CEP131: variants seen among roughly 807,000 people sequenced by gnomAD.
CEP131 encodes centrosomal protein 131.
Under a neutral mutation model 136.8 loss-of-function variants are expected in CEP131, and 99 were observed. That is an observed-to-expected ratio of 0.72 (90% CI 0.62 to 0.86). CEP131 has a LOEUF of 0.86. Ranked by LOEUF, CEP131 falls within the 40% of genes least tolerant of loss-of-function variation. CEP131 has a pLI of 0.00. For missense variants in CEP131, 1,459 were observed against 1,463.0 expected (o/e 1.00, Z 0.04); for synonymous variants, 646 against 612.7 (o/e 1.05, Z -0.80).
chr17:81,199,514 CT>C lies in CEP131; in HGVS notation c.1058del (p.Lys353ArgfsTer91). Reference protein sequence around the residue: ...LQQKRALRAQKASTAERGPPE... With the variant: ...LQQKRALRAQXASTAERGPPE... ...GTGGCCCACGCTCGGCAGTGCTCGC[CT>C]TCTGGGCTCTCAGGGCTCGTTTCTG... On this transcript the variant is annotated frameshift_variant, in exon 10 of 26. Transcript: ENST00000450824. LOFTEE classifies it high-confidence loss of function. 1 of 1,608,426 alleles carries C rather than the reference CT, an allele frequency of 6.2e-7. No homozygotes were observed. The highest frequency in any genetic ancestry group is 2.2e-5 in the East Asian group (1 of 44,768).
Position 81,195,954 on chromosome 17 carries a change from G to A in CEP131, c.1900-3C>T. 6.2e-7 allele frequency: 1 copy of A among 1,607,202 alleles called. No individual in the cohort carries two copies. Among genetic ancestry groups the A allele is most frequent in the South Asian group, 1.1e-5 (1 of 91,022 alleles). Reference sequence around the variant, plus strand: ...AGGACCTTCTTGTCCTCAATCAGCTGTGTTGGGGACCGGAGGTGAGGTGCT... The same window carrying A: ...AGGACCTTCTTGTCCTCAATCAGCTATGTTGGGGACCGGAGGTGAGGTGCT... On this transcript the variant is annotated splice_polypyrimidine_tract_variant and splice_region_variant and intron_variant, in intron 15 of 25. Coordinates refer to ENST00000450824, the MANE Select transcript of CEP131 (RefSeq NM_014984.4).
At chr17:81,196,908 T>G in intron 14 of CEP131, 22 bp downstream of exon 14, 1 of 1,608,428 alleles carries the variant, frequency 6.2e-7, no homozygotes, top group Non-Finnish European at 8.5e-7. Flanking sequence ...GGGCCCGGGA[T>G]TAGCAGTGCC....
rs568626587 is a variant in CEP131 at position 81,211,542 on chromosome 17, G to A, written c.178-2520C>T. Reference sequence around the variant, plus strand: ...GCAGGCAGAAGCCACCCATGCGGCAGGGACTGCAAGCCCTCCACCCCTGGG... The same window carrying A: ...GCAGGCAGAAGCCACCCATGCGGCAAGGACTGCAAGCCCTCCACCCCTGGG... On this transcript the variant is annotated intron_variant, in intron 2 of 25. Transcript: ENST00000450824. Among the ~76,000 whole-genome samples the A allele has an allele frequency of 2.6e-5, 4 of 152,332 alleles. No individual in the cohort carries two copies. The South Asian group carries it at 6.2e-4, about 24-fold the overall frequency.
At chr17:81,196,095 T>C in intron 15 of CEP131, 144 bp from the exon 16 acceptor site, 1 of 617,288 alleles carries the variant, frequency 1.6e-6, no homozygotes, top group Non-Finnish European at 2.8e-6. Flanking sequence ...GGATGGACCC[T>C]GGGGCCAGTG....
At position 81,193,877 on chromosome 17, in the gene CEP131, C is replaced by T. The variant is rs1228287774; in HGVS notation, c.2321+49G>A. The T allele has an allele frequency of 5.3e-6, 8 of 1,518,024 alleles. No homozygotes were observed. The African/African-American group carries it at 8.4e-5, about 16-fold the overall frequency. The allele number at this position is 1,518,024 out of a possible 1,614,324, so 94.0% of individuals were successfully genotyped here. On this transcript the variant is annotated intron_variant, in intron 18 of 25. Coordinates refer to ENST00000450824, the MANE Select transcript of CEP131 (RefSeq NM_014984.4). ...CCACTCCAGCCTTCGAGGATTCCGA[C>T]TCCCCGCCCTGAGGGTCCTGGCCCC...
chr17:81,216,206 A>G (rs1041503325), intron 2 of CEP131, among the ~76,000 whole-genome samples: 9 of 152,124 alleles, frequency 5.9e-5, no homozygotes, highest in Non-Finnish European at 8.8e-5. Flanking sequence ...CTAAAAATAC[A>G]AAATTAGCCG....
chr17:81,201,828 G>A (rs1481767395), intron 7 of CEP131, among the ~76,000 whole-genome samples: 1 of 152,194 alleles, frequency 6.6e-6, no homozygotes, highest in Non-Finnish European at 1.5e-5. Flanking sequence ...CAGGCCGGGG[G>A]TGGTGGCTCA....
chr17:81,206,666 A>C, intron 5 of CEP131, 78 bp downstream of exon 5: 1 of 1,510,168 alleles, frequency 6.6e-7, no homozygotes, highest in Non-Finnish European at 8.9e-7. Context: ...CGAGCCATAA[A>C]CAAGACAAAG....
In CEP131 at chr17:81,202,271, G is replaced by T; in HGVS notation, c.757C>A (p.Arg253=). 6.9e-7 allele frequency: 1 copy of T among 1,441,334 alleles called. No individual in the cohort carries two copies. 89.3% of individuals were successfully genotyped at this position (1,441,334 alleles called of 1,614,324 possible). A position where few individuals can be genotyped will look rare whatever the true frequency, so the allele number is the denominator to read the frequency against. The stretch of plus-strand genomic sequence containing the variant: ...GCCTCCTCCTCCGTCACCTCCTTCC[G>T]CCTGGGCAAGCCCGTGCTGCCCCCA... ...NTGGSTGLPR[R]KEVTEEEAER... The change falls in exon 7 of 26, where the codon CGG becomes AGG. Residue 253 remains arginine, a synonymous_variant. Transcript: ENST00000450824.
At chr17:81,194,525 C>T (rs1047960893) in intron 17 of CEP131, among the ~76,000 whole-genome samples, 13 of 152,264 alleles carry the variant, frequency 8.5e-5, no homozygotes, top group Admixed American at 8.5e-4. Context: ...CCTCCTGTGG[C>T]TCACTCTGCT....
rs759954691 is a variant in CEP131 at position 81,199,591 on chromosome 17, C to T, written c.1024-42G>A. On this transcript the variant is annotated intron_variant, in intron 9 of 25. Transcript: ENST00000450824. ...GCTGAGCACTGTCCCTGGGAGAGGACGACCCCAGGCTCCACAGCCAAGCTG... is the reference window on the plus strand; with the variant it reads ...GCTGAGCACTGTCCCTGGGAGAGGATGACCCCAGGCTCCACAGCCAAGCTG... 49 of 1,589,334 alleles carry T rather than the reference C, an allele frequency of 3.1e-5. No individual in the cohort carries two copies. In the South Asian group the frequency reaches 4.1e-4, roughly 13 times the overall value.
At position 81,208,897 on chromosome 17, in the gene CEP131, G is replaced by A; in HGVS notation, c.272+31C>T. 1 of 1,573,962 alleles carries A rather than the reference G, an allele frequency of 6.4e-7. No homozygotes were observed. The highest frequency in any genetic ancestry group is 8.7e-7 in the Non-Finnish European group (1 of 1,145,676). ...GGGGCACCTGAGGTCCCGGGAAGGG[G>A]CCAGGGTTATCCAAGGGCCTTAGGG... On this transcript the variant is annotated intron_variant, in intron 3 of 25. Coordinates refer to ENST00000450824, the MANE Select transcript of CEP131 (RefSeq NM_014984.4). This position sits in a 1 kb window ranked among gnomAD's most constrained non-coding sequence, Gnocchi z 5.6.
chr17:81,192,506 C>T lies in CEP131; in HGVS notation c.2517G>A (p.Lys839=). ...GCCGGCGCTCCTGCTCCTCCCTGCC[C>T]TTCTCAAACTCAGCCCTCAGGGCTC... ...LTRALRAEFE[K]GREEQERRHQ... Residue 839 remains lysine, a synonymous_variant, in exon 20 of 26, where the codon AAG becomes AAA. Transcript: ENST00000450824. 6.2e-7 allele frequency: 1 copy of T among 1,611,692 alleles called. No individual in the cohort carries two copies. Among genetic ancestry groups the T allele is most frequent in the Non-Finnish European group, 8.5e-7 (1 of 1,179,782 alleles).
intron 3 of CEP131, among the ~76,000 whole-genome samples, chr17:81,207,510 T>C (rs1408341896): frequency 7.3e-6 from 1 of 136,246 alleles, no homozygotes; most frequent in Non-Finnish European, 1.5e-5. Context: ...TTTTCTTTTC[T>C]TTTTTTTTTT....
chr17:81,205,207 C>T (rs542833975), intron 5 of CEP131, among the ~76,000 whole-genome samples: 5 of 151,012 alleles, frequency 3.3e-5, no homozygotes, highest in African/African-American at 9.8e-5. Context: ...TGCGGTGAGC[C>T]GAGATCACAC....
rs1485503680 is a variant in CEP131, at chr17:81,200,446, C to A, written c.789G>T (p.Arg263Ser). 6.5e-7 allele frequency: 1 copy of A among 1,548,180 alleles called. No homozygotes were observed. Among genetic ancestry groups the A allele is most frequent in the Non-Finnish European group, 8.7e-7 (1 of 1,145,802 alleles). The change falls in exon 8 of 26, where the codon AGG (arginine) becomes AGT (serine). Residue 263 changes from arginine to serine, a missense_variant and splice_region_variant. Transcript: ENST00000450824. ...RKEVTEEEAE[R>S]FIHQVNQATV... ...TGGCCTGGTTCACCTGGTGGATAAACCTGCCCGGAGAGCAGGACTCAGGGC... is the reference window on the plus strand; with the variant it reads ...TGGCCTGGTTCACCTGGTGGATAAAACTGCCCGGAGAGCAGGACTCAGGGC...
At chr17:81,192,232 A>C in intron 21 of CEP131, 86 bp downstream of exon 21, 3 of 1,332,254 alleles carry the variant, frequency 2.3e-6, no homozygotes, top group Non-Finnish European at 3.1e-6. Context: ...CCACAGCAGC[A>C]GCAAAACCCA....
At chr17:81,202,210 G>C (rs1223761759) in intron 7 of CEP131, 30 bp downstream of exon 7, 2 of 1,440,902 alleles carry the variant, frequency 1.4e-6, no homozygotes, top group African/African-American at 2.9e-5. Flanking sequence ...CTAGGCTCAG[G>C]CCCCCCCCCA....
rs375655657 is a variant in CEP131 at position 81,219,966 on chromosome 17, G to A, written c.91C>T (p.Arg31Trp). The A allele has an allele frequency of 3.0e-5, 49 of 1,611,950 alleles. No homozygotes were observed. Among genetic ancestry groups the A allele is most frequent in the African/African-American group, 1.1e-4 (8 of 74,830 alleles). ...SLTGLPPPVS[R>W]RPGSAATTKP... is the part of the protein sequence containing the mutation. Reference sequence around the variant, plus strand: ...GTGGTGGCGGCACTGCCAGGACGCCGGGACACAGGCGGAGGGAGACCTGTC... The same window carrying A: ...GTGGTGGCGGCACTGCCAGGACGCCAGGACACAGGCGGAGGGAGACCTGTC... Residue 31 changes from arginine to tryptophan, a missense_variant, in exon 2 of 26, where the codon CGG (arginine) becomes TGG (tryptophan). Arg to Trp is a moderately radical substitution (Grantham distance 101, BLOSUM62 -3). This residue lies in a region of CEP131 where 187 missense variants were observed against 179.9 expected (regional missense o/e 1.04). Coordinates refer to ENST00000450824, the MANE Select transcript of CEP131 (RefSeq NM_014984.4). The surrounding 1 kb of genome is among the most constrained non-coding windows in gnomAD (Gnocchi z 4.0).
Sources: gnomAD v4.1 joint callset for allele counts (sites outside exome capture counted in the v4.1 genomes callset) on GRCh38, gnomAD v4.1.1 for gene constraint, gnomAD v4.1.1 regional missense constraint, Gnocchi (gnomAD v3.1) non-coding constraint, MANE v1.5 for transcripts, NCBI Gene and HGNC (gene_info 2026-07-23, HGNC 2026-07-21) for gene names.